Variants in DOCK9 observed in about 807,000 individuals in gnomAD.
DOCK9 encodes the protein dedicator of cytokinesis protein 9.
DOCK9 carries 89 observed loss-of-function variants against 263.3 expected under a neutral mutation model. The observed-to-expected ratio is 0.34, with a 90% confidence interval of 0.28 to 0.40. The LOEUF (loss-of-function observed/expected upper bound fraction) is 0.40. Ranked by LOEUF, DOCK9 falls within the 10% of genes least tolerant of loss-of-function variation. DOCK9 has a pLI of 1.00. For missense variants in DOCK9, 2,140 were observed against 2,603.4 expected (o/e 0.82, Z 3.87); for synonymous variants, 976 against 973.1 (o/e 1.00, Z -0.06).
chr13:98,934,412 G>A (rs1197941557), intron 2 of DOCK9, among the ~76,000 whole-genome samples: 3 of 152,124 alleles, frequency 2.0e-5, no homozygotes, highest in Admixed American at 6.5e-5. Context: ...GAACCATCTT[G>A]GACATTCCAG....
chr13:98,823,585 GAT>G (rs1234612091), intron 45 of DOCK9, among the ~76,000 whole-genome samples: 1 of 152,188 alleles, frequency 6.6e-6, no homozygotes, highest in Non-Finnish European at 1.5e-5. Context: ...ACATGGGCAG[GAT>G]TAAAAAGCTT....
intron 1 of DOCK9, among the ~76,000 whole-genome samples, chr13:99,028,860 TAA>T (rs1250182183): frequency 6.6e-6 from 1 of 152,232 alleles, no homozygotes; most frequent in Non-Finnish European, 1.5e-5. Flanking sequence ...GTGTGGAAGT[TAA>T]AATATGTTTA....
intron 11 of DOCK9, 149 bp downstream of exon 11, chr13:98,902,823 G>T: frequency 1.2e-6 from 1 of 827,336 alleles, no homozygotes; most frequent in Non-Finnish European, 1.8e-6. Context: ...TCCTGTCCTT[G>T]CAGGCTAACA....
rs2089542915 is a variant in DOCK9, at chr13:98,797,307, C to T, written c.6018-54G>A. ...GGCACGCAGAGGATAAGGCATGAGTCCAACCAGCAGCATCTCCTTCCCGAA... is the reference window on the plus strand; with the variant it reads ...GGCACGCAGAGGATAAGGCATGAGTTCAACCAGCAGCATCTCCTTCCCGAA... On this transcript the variant is annotated intron_variant, in intron 51 of 52. Transcript: ENST00000682017. The T allele has an allele frequency of 4.3e-6, 7 of 1,611,446 alleles. No individual in the cohort carries two copies. The Admixed American group carries it at 6.7e-5, about 15-fold the overall frequency.
At chr13:98,954,175 C>A (rs1193527135) in intron 2 of DOCK9, among the ~76,000 whole-genome samples, 1 of 151,948 alleles carries the variant, frequency 6.6e-6, no homozygotes, top group Non-Finnish European at 1.5e-5. Flanking sequence ...TTCAATATTT[C>A]CCTCTCATTT....
chr13:98,974,716 C>G (rs554435099), intron 1 of DOCK9, among the ~76,000 whole-genome samples: 26 of 140,040 alleles, frequency 1.9e-4, no homozygotes, highest in Non-Finnish European at 4.0e-4. Context: ...TGCCATTGTA[C>G]TCCAGCCTGG....
chr13:98,923,315 A>G lies in DOCK9; in HGVS notation c.473T>C (p.Val158Ala). The G allele has an allele frequency of 1.2e-5, 19 of 1,613,844 alleles. No individual in the cohort carries two copies. Among genetic ancestry groups the G allele is most frequent in the Non-Finnish European group, 1.6e-5 (19 of 1,179,786 alleles). ...CAGGTATCCCACCTCATCTTTGTCG[A>G]CCTCCTCGTCAACTTCATAGACATG... is the stretch of plus-strand genomic sequence containing the variant. ...PVHVYEVDEE[V>A]DKDEDAASLG... The change falls in exon 5 of 53, where the codon GTC (valine) becomes GCC (alanine). Residue 158 changes from valine to alanine, a missense_variant. By Grantham distance (64) the Val-to-Ala change is moderately conservative. Transcript: ENST00000682017.
chr13:98,796,966 G>C, intron 52 of DOCK9, 149 bp downstream of exon 52: 1 of 801,370 alleles, frequency 1.2e-6, no homozygotes, highest in Non-Finnish European at 2.0e-6. Flanking sequence ...AAATGACCTG[G>C]GGCTAGAGCA....
At chr13:98,810,356 T>C in intron 45 of DOCK9, 65 bp from the exon 46 acceptor site, 2 of 1,591,128 alleles carry the variant, frequency 1.3e-6, no homozygotes, top group East Asian at 2.2e-5. Flanking sequence ...TGGCACCCGT[T>C]GCAGAATGCT....
intron 2 of DOCK9, among the ~76,000 whole-genome samples, chr13:98,941,395 T>A (rs1486598658): frequency 6.6e-6 from 1 of 152,208 alleles, no homozygotes; most frequent in Non-Finnish European, 1.5e-5. Context: ...AATGTACTGC[T>A]TCCTGAAAAG....
At chr13:98,869,140 A>T (rs1238987370) in intron 27 of DOCK9, among the ~76,000 whole-genome samples, 2 of 152,236 alleles carry the variant, frequency 1.3e-5, no homozygotes, top group East Asian at 3.8e-4. Context: ...ATGACCGTGC[A>T]TGATTAGTTA....
At chr13:99,042,116 GGAA>G (rs899386014) in intron 1 of DOCK9, among the ~76,000 whole-genome samples, 4 of 152,226 alleles carry the variant, frequency 2.6e-5, no homozygotes, top group African/African-American at 4.8e-5. Flanking sequence ...CTCTGTGGTT[GGAA>G]GAATTTTCTG....
At chr13:98,853,585 C>A in intron 34 of DOCK9, 63 bp from the exon 35 acceptor site, 7 of 1,199,772 alleles carry the variant, frequency 5.8e-6, no homozygotes, top group Non-Finnish European at 8.6e-6. Flanking sequence ...TTTCCCTTTT[C>A]TCCCTTGGAA....
chr13:98,846,388 T>A (rs926812508), intron 37 of DOCK9: 1 of 711,180 alleles, frequency 1.4e-6, no homozygotes, highest in African/African-American at 1.8e-5. Context: ...ACGTCACTAA[T>A]CTTTTTGGAT....
chr13:99,086,442 T>TCCGC (rs1198365585), exon 1 of DOCK9: 1 of 850,082 alleles, frequency 1.2e-6, no homozygotes, highest in Non-Finnish European at 1.4e-6. Flanking sequence ...CCCGGCCCGC[T>TCCGC]CCGCCCGCCG....
intron 1 of DOCK9, among the ~76,000 whole-genome samples, chr13:99,069,035 G>A (rs1279856409): frequency 6.6e-6 from 1 of 152,126 alleles, no homozygotes; most frequent in Non-Finnish European, 1.5e-5. Context: ...GTCATTTACA[G>A]CTGAATATTT....
intron 1 of DOCK9, among the ~76,000 whole-genome samples, chr13:98,974,748 C>CAAA (rs57196019): frequency 0.21 from 7,009 of 33,174 alleles, 1,550 homozygotes; most frequent in East Asian, 0.51. Flanking sequence ...AACTCTGTCT[C>CAAA]AAAAAAAAAA....
chr13:99,017,528 G>C (rs542900604), intron 1 of DOCK9, among the ~76,000 whole-genome samples: 1 of 152,236 alleles, frequency 6.6e-6, no homozygotes, highest in African/African-American at 2.4e-5. Flanking sequence ...AAAAGATTAC[G>C]TTTGAACTTT....
At position 99,023,444 on chromosome 13, in the gene DOCK9, GAAA is replaced by G. The variant is rs200528054; in HGVS notation, c.129+62776_129+62778del. On this transcript the variant is annotated intron_variant, in intron 1 of 32. Transcript: ENST00000427887. ...TAGAATAGTCAAATTCATAGAAACA[GAAA>G]GTAGCATGGTAGTTGCCAGGTGCTG... 7.2e-4 allele frequency among the ~76,000 whole-genome samples: 109 copies of G among 152,338 alleles called. 3 individuals carry two copies. The East Asian group carries it at 0.02, about 28-fold the overall frequency.
Sources: gnomAD v4.1 joint callset for allele counts (sites outside exome capture counted in the v4.1 genomes callset) on GRCh38, gnomAD v4.1.1 for gene constraint, MANE v1.5 for transcripts, NCBI Gene and HGNC (gene_info 2026-07-23, HGNC 2026-07-21) for gene names.